The following PRKN variants were observed in gnomAD, a reference collection of about 807,000 sequenced individuals.
PRKN encodes parkin RBR E3 ubiquitin protein ligase.
In PRKN, 56 loss-of-function variants were observed where a neutral mutation model predicts 59.5. The ratio of observed to expected loss-of-function variants is 0.94; its 90% CI spans 0.76 to 1.18. The LOEUF is 1.18. PRKN is among the 50% of genes most tolerant of loss of function. The pLI is 0.00. For synonymous variants in PRKN, 250 were observed against 222.1 expected (o/e 1.13, Z -1.12); for missense variants, 657 against 596.4 (o/e 1.10, Z -1.06).
intron 2 of PRKN, among the ~76,000 whole-genome samples, chr6:162,324,970 C>G (rs1783199144): frequency 6.6e-6 from 1 of 151,986 alleles, no homozygotes; most frequent in African/African-American, 2.4e-5. Flanking sequence ...TTGCTTTAAT[C>G]CACTGGGTGA....
At chr6:162,100,373 T>G (rs1779916126) in intron 4 of PRKN, among the ~76,000 whole-genome samples, 1 of 152,106 alleles carries the variant, frequency 6.6e-6, no homozygotes, top group African/African-American at 2.4e-5. Flanking sequence ...CAATTTACAT[T>G]CCCACCAACA....
At chr6:162,408,966 C>A (rs7772863) in intron 2 of PRKN, among the ~76,000 whole-genome samples, 46,475 of 149,018 alleles carry the variant, frequency 0.31, 7,394 homozygotes, top group East Asian at 0.56. Context: ...CCCCTCCCCG[C>A]TCCTTGTCTT....
rs1032147161 is a variant in PRKN at position 161,400,613 on chromosome 6, C to T, written c.1084-13736G>A. ...ACAGGCATGAGCCACCACGCTCGGCCGAAAATTAAACGTATTCTAAGACAA... is the reference window on the plus strand; with the variant it reads ...ACAGGCATGAGCCACCACGCTCGGCTGAAAATTAAACGTATTCTAAGACAA... On this transcript the variant is annotated intron_variant, in intron 9 of 11. Transcript: ENST00000366898. This position sits in a 1 kb window ranked among gnomAD's most constrained non-coding sequence, Gnocchi z 4.2. 6.6e-6 allele frequency among the ~76,000 whole-genome samples: 1 copy of T among 151,944 alleles called. No individual in the cohort carries two copies. The highest frequency in any genetic ancestry group is 1.5e-5 in the Non-Finnish European group (1 of 68,004).
chr6:162,447,988 A>AAATAACATCATGTGATGGC (rs1790404077), intron 1 of PRKN, among the ~76,000 whole-genome samples: 2 of 152,166 alleles, frequency 1.3e-5, no homozygotes, highest in African/African-American at 4.8e-5. Flanking sequence ...TTTAGATGGC[A>AAATAACATCATGTGATGGC]AATAACATCA....
intron 7 of PRKN, among the ~76,000 whole-genome samples, chr6:161,669,916 C>T (rs2128168501): frequency 6.6e-6 from 1 of 152,360 alleles, no homozygotes; most frequent in East Asian, 1.9e-4. Context: ...CGCACAGGCT[C>T]TCAGCCCCCA....
intron 1 of PRKN, among the ~76,000 whole-genome samples, chr6:162,640,665 G>A (rs1417400769): frequency 6.6e-6 from 1 of 152,180 alleles, no homozygotes; most frequent in Non-Finnish European, 1.5e-5. Context: ...CTTTCATAAA[G>A]TATGTCTGCT....
At chr6:162,437,006 C>T (rs1474671411) in intron 2 of PRKN, among the ~76,000 whole-genome samples, 2 of 151,962 alleles carry the variant, frequency 1.3e-5, no homozygotes, top group South Asian at 2.1e-4. Context: ...GCAGGAGAAT[C>T]GCTTGAACCC....
At chr6:162,468,259 G>A (rs2155498) in intron 1 of PRKN, among the ~76,000 whole-genome samples, 1 of 152,178 alleles carries the variant, frequency 6.6e-6, no homozygotes, top group Admixed American at 6.5e-5. Flanking sequence ...AGAATGCCTG[G>A]CACAGAAGAG....
Position 162,034,186 on chromosome 6 carries a change from T to TAGAGAGAGAG in PRKN, c.618+19895_618+19904dup, listed in dbSNP as rs71643580. Among the ~76,000 whole-genome samples, 519 of 133,272 alleles carry TAGAGAGAGAG rather than the reference T, an allele frequency of 3.9e-3. 4 individuals carry two copies. Among genetic ancestry groups the TAGAGAGAGAG allele is most frequent in the African/African-American group, 9.1e-3 (311 of 34,166 alleles). The allele number at this position is 133,272 out of a possible 152,430, so 87.4% of individuals were successfully genotyped here. A position where few individuals can be genotyped will look rare whatever the true frequency, so the allele number is the denominator to read the frequency against. On this transcript the variant is annotated intron_variant, in intron 5 of 11. Transcript: ENST00000366898. ...ACACATACATATATATATATATATA[T>TAGAGAGAGAG]AGAGAGAGAGAGAGAGAGAGAGAGA...
Position 162,099,146 on chromosome 6 carries a change from G to A in PRKN, c.535-44972C>T, listed in dbSNP as rs150048911. Among the ~76,000 whole-genome samples, 128 of 152,206 alleles carry A rather than the reference G, an allele frequency of 8.4e-4. 1 individual carries two copies. The highest frequency in any genetic ancestry group is 7.3e-3 in the East Asian group (38 of 5,174). On this transcript the variant is annotated intron_variant, in intron 4 of 11. Transcript: ENST00000366898. ...CCATGCCATTTCCAACTTTAACACC[G>A]TTGAAATTCCTTTAAATTCAGCTTG...
intron 1 of PRKN, among the ~76,000 whole-genome samples, chr6:162,549,796 G>T (rs1446350351): frequency 6.6e-6 from 1 of 152,004 alleles, no homozygotes. Context: ...ATGACACCAT[G>T]CCTGGCTAAT....
At chr6:161,476,060 G>T (rs369223816) in intron 9 of PRKN, among the ~76,000 whole-genome samples, 1 of 151,702 alleles carries the variant, frequency 6.6e-6, no homozygotes, top group Non-Finnish European at 1.5e-5. Context: ...GGTGGCGGGC[G>T]CCTGTAGTCC....
At chr6:161,464,722 A>C (rs1451048751) in intron 9 of PRKN, among the ~76,000 whole-genome samples, 2 of 152,240 alleles carry the variant, frequency 1.3e-5, no homozygotes, top group Non-Finnish European at 2.9e-5. Flanking sequence ...CCAAATAATT[A>C]AATAATGCCT....
At chr6:162,237,428 G>C (rs554733661) in intron 3 of PRKN, among the ~76,000 whole-genome samples, 1 of 152,184 alleles carries the variant, frequency 6.6e-6, no homozygotes, top group South Asian at 2.1e-4. Flanking sequence ...TCATATTATT[G>C]AAAGTTTCTT....
intron 7 of PRKN, among the ~76,000 whole-genome samples, chr6:161,718,427 G>A (rs1170156595): frequency 6.6e-6 from 1 of 152,168 alleles, no homozygotes; most frequent in Non-Finnish European, 1.5e-5. Flanking sequence ...TCCCACACTA[G>A]AGAGTGCATG....
chr6:162,296,762 G>C (rs1490699534), intron 2 of PRKN, among the ~76,000 whole-genome samples: 1 of 151,982 alleles, frequency 6.6e-6, no homozygotes, highest in East Asian at 1.9e-4. Flanking sequence ...AATTAAAAAG[G>C]GGAAGGAAAC....
chr6:162,656,762 C>G (rs1046450421), intron 1 of PRKN, among the ~76,000 whole-genome samples: 6 of 152,132 alleles, frequency 3.9e-5, no homozygotes, highest in Admixed American at 3.9e-4. Context: ...GAACACAGAC[C>G]TTTATCCTTA....
At chr6:161,598,690 A>T (rs1406247667) in intron 7 of PRKN, among the ~76,000 whole-genome samples, 1 of 152,230 alleles carries the variant, frequency 6.6e-6, no homozygotes, top group Non-Finnish European at 1.5e-5. Flanking sequence ...AAAGCATAAG[A>T]TACAGGATAT....
intron 6 of PRKN, among the ~76,000 whole-genome samples, chr6:161,802,023 A>G (rs1791102895): frequency 6.6e-6 from 1 of 152,200 alleles, no homozygotes. Context: ...TACACAAACA[A>G]GGAATTCGTG....
Sources: allele counts gnomAD v4.1 joint callset (sites outside exome capture counted in the v4.1 genomes callset), GRCh38; gene constraint gnomAD v4.1.1; non-coding constraint Gnocchi (gnomAD v3.1); transcripts MANE v1.5; gene names NCBI Gene and HGNC (gene_info 2026-07-23, HGNC 2026-07-21).